Variants in MGAT4A observed in about 807,000 individuals in gnomAD.
The protein encoded by MGAT4A is alpha-1,3-mannosyl-glycoprotein 4-beta-N-acetylglucosaminyltransferase A, also known as N-acetylglucosaminyltransferase IVa.
In MGAT4A, 33 loss-of-function variants were observed where a neutral mutation model predicts 74.1. The observed-to-expected ratio is 0.45, with a 90% CI of 0.34 to 0.60. The LOEUF (loss-of-function observed/expected upper bound fraction) is 0.60, where lower values mean the gene tolerates loss of function less well. Among genes scored for constraint, MGAT4A ranks in the 20% least tolerant of loss-of-function variants. The pLI, the probability that MGAT4A is intolerant of heterozygous loss-of-function variation, is 0.02. For synonymous variants in MGAT4A, 198 were observed against 210.4 expected (o/e 0.94, Z 0.51); for missense variants, 479 against 628.3 (o/e 0.76, Z 2.54).
Position 98,658,227 on chromosome 2 carries a change from A to G in MGAT4A, c.575T>C (p.Leu192Pro). 1 of 1,575,824 alleles carries G rather than the reference A, an allele frequency of 6.3e-7. No individual in the cohort carries two copies. The highest frequency in any genetic ancestry group is 1.2e-5 in the South Asian group (1 of 86,582). ...ATTAAGAAGAACTTACTCTTTCTCC[A>G]GGTTGGCTACAACACCATGTACATA... ...IDYVHGVVAN[L>P]EKEFSKEISS... Residue 192 changes from leucine to proline, a missense_variant, in exon 6 of 16, where the codon CTG becomes CCG. Around this residue, in one of 3 missense-constraint regions of MGAT4A, gnomAD observed 205 missense variants for 232.7 expected, o/e 0.88. Transcript: ENST00000393487.
intron 8 of MGAT4A, among the ~76,000 whole-genome samples, chr2:98,649,800 A>C (rs1701551994): frequency 6.6e-6 from 1 of 152,182 alleles, no homozygotes; most frequent in African/African-American, 2.4e-5. Flanking sequence ...CTTCCACTAC[A>C]AAACCAAACT....
At chr2:98,683,866 A>T (rs899209738) in intron 2 of MGAT4A, among the ~76,000 whole-genome samples, 1 of 152,166 alleles carries the variant, frequency 6.6e-6, no homozygotes, top group Non-Finnish European at 1.5e-5. Flanking sequence ...ACTATTGGAT[A>T]ATGTCACAGG....
In MGAT4A at chr2:98,655,513, T is replaced by C. The variant is rs61748145; in HGVS notation, c.706A>G (p.Thr236Ala). The change falls in exon 8 of 16, where the codon ACA becomes GCA. Residue 236 changes from threonine (T) to alanine (A), a missense_variant. By Grantham distance (58) the Thr-to-Ala change is moderately conservative. This residue lies in a region of MGAT4A where 38 missense variants were observed against 87.4 expected (regional missense o/e 0.43). Transcript: ENST00000393487. ...GDSKERVRWRTKQNLDYCFLM... is the reference protein window; with the variant it reads ...GDSKERVRWRAKQNLDYCFLM... ...AAACAGTAATCTAGGTTTTGCTTTG[T>C]TCTCCATCTGAAATAAACATTTTCA... is the stretch of plus-strand genomic sequence containing the variant. 15,501 of 1,608,174 alleles carry C rather than the reference T, an allele frequency of 9.6e-3. 97 individuals carry two copies. The highest frequency in any genetic ancestry group is 0.012 in the Non-Finnish European group (13,619 of 1,175,842).
At position 98,682,516 on chromosome 2, in the gene MGAT4A, C is replaced by T. The variant is rs1006744308; in HGVS notation, c.95-4045G>A. Among the ~76,000 whole-genome samples the T allele has an allele frequency of 2.0e-5, 3 of 146,808 alleles. No homozygotes were observed. The Admixed American group carries it at 2.1e-4, about 10-fold the overall frequency. Reference sequence around the variant, plus strand: ...CATCAAAAATGCATGCTAAAACTAACAGGTGAAAGTCTAATAAGAAACAGG... The same window carrying T: ...CATCAAAAATGCATGCTAAAACTAATAGGTGAAAGTCTAATAAGAAACAGG... On this transcript the variant is annotated intron_variant, in intron 2 of 15. Coordinates refer to ENST00000393487, the MANE Select transcript of MGAT4A (RefSeq NM_012214.3).
intron 14 of MGAT4A, 25 bp from the exon 15 acceptor site, chr2:98,625,860 T>A: frequency 6.6e-7 from 1 of 1,519,290 alleles, no homozygotes; most frequent in Non-Finnish European, 9.1e-7. Flanking sequence ...TCAATACTTG[T>A]TGGATACACC....
intron 2 of MGAT4A, among the ~76,000 whole-genome samples, chr2:98,679,188 C>T (rs534837756): frequency 1.4e-4 from 22 of 152,082 alleles, no homozygotes; most frequent in South Asian, 1.2e-3. Context: ...GGGCGGATCA[C>T]GAGGTCAGGA....
At chr2:98,690,435 C>T (rs545927131) in intron 2 of MGAT4A, among the ~76,000 whole-genome samples, 36 of 152,316 alleles carry the variant, frequency 2.4e-4, no homozygotes, top group African/African-American at 8.4e-4. Context: ...GAATCCCTCC[C>T]TGCTGGGTAC....
At chr2:98,670,938 C>T (rs1365515800) in intron 4 of MGAT4A, among the ~76,000 whole-genome samples, 2 of 152,222 alleles carry the variant, frequency 1.3e-5, no homozygotes, top group South Asian at 2.1e-4. Context: ...AACATCTCCA[C>T]TGTGATATCT....
rs578106177 is a variant in MGAT4A at position 98,624,248 on chromosome 2, G to A, written c.*1318C>T. ...AGGATGGTCTTGATCTCCTGACCTC[G>A]TGATCCGCCCGCCTCGGCCTCCCAA... On this transcript the variant is annotated 3_prime_UTR_variant, in exon 16 of 16. Transcript: ENST00000393487. 1.6e-5 allele frequency: 11 copies of A among 667,090 alleles called. No homozygotes were observed. Among genetic ancestry groups the A allele is most frequent in the East Asian group, 1.4e-4 (1 of 7,318 alleles). 41.3% of individuals were successfully genotyped at this position (667,090 alleles called of 1,614,324 possible).
chr2:98,660,083 C>G (rs904090327), intron 5 of MGAT4A, among the ~76,000 whole-genome samples: 19 of 152,140 alleles, frequency 1.2e-4, no homozygotes, highest in Non-Finnish European at 2.5e-4. Flanking sequence ...TTTCTACATA[C>G]TAACAATGAA....
chr2:98,675,681 G>A (rs531701140), intron 3 of MGAT4A, among the ~76,000 whole-genome samples: 1 of 151,698 alleles, frequency 6.6e-6, no homozygotes, highest in South Asian at 2.1e-4. Flanking sequence ...CTGAGTACCT[G>A]GGACTGCAGG....
chr2:98,680,040 C>CTTCT (rs1553538386), intron 2 of MGAT4A, among the ~76,000 whole-genome samples: 3 of 131,054 alleles, frequency 2.3e-5, no homozygotes, highest in African/African-American at 8.5e-5. Context: ...CTTAGAAAGG[C>CTTCT]TTTTTTTTTT....
At chr2:98,680,413 T>C (rs924043543) in intron 2 of MGAT4A, among the ~76,000 whole-genome samples, 1 of 152,200 alleles carries the variant, frequency 6.6e-6, no homozygotes, top group African/African-American at 2.4e-5. Flanking sequence ...AAAAACAGAC[T>C]TATGAAAAAT....
intron 2 of MGAT4A, among the ~76,000 whole-genome samples, chr2:98,716,576 G>A (rs1464745851): frequency 1.3e-5 from 2 of 152,174 alleles, no homozygotes; most frequent in Non-Finnish European, 2.9e-5. Context: ...CAAGATTGTC[G>A]ATTGCACCAC....
rs1701984445 is a variant in MGAT4A, at chr2:98,677,072, A to G, written c.262+1232T>C. On this transcript the variant is annotated intron_variant, in intron 3 of 15. Transcript: ENST00000393487. ...TAAATGAAAAAGTATGCTAATCTAG[A>G]AAAATTATGCAAATTTAGAGGCAAT... is the stretch of plus-strand genomic sequence containing the variant. 2.0e-5 allele frequency among the ~76,000 whole-genome samples: 3 copies of G among 152,344 alleles called. 1 individual carries two copies. In the South Asian group the frequency reaches 6.2e-4, roughly 32 times the overall value.
At chr2:98,642,362 G>C (rs536226353) in intron 10 of MGAT4A, among the ~76,000 whole-genome samples, 7 of 152,286 alleles carry the variant, frequency 4.6e-5, no homozygotes, top group Admixed American at 2.0e-4. Flanking sequence ...TGATTCGAAG[G>C]GTTTCCCAGG....
At chr2:98,669,248 T>C (rs187259015) in intron 4 of MGAT4A, among the ~76,000 whole-genome samples, 88 of 152,150 alleles carry the variant, frequency 5.8e-4, no homozygotes, top group African/African-American at 1.5e-3. Flanking sequence ...TGGGAGGTAA[T>C]TGAATCATGG....
rs2104205312 is a variant in MGAT4A at position 98,623,412 on chromosome 2, C to T, written c.*2154G>A. 1 of 985,386 alleles carries T rather than the reference C, an allele frequency of 1.0e-6. No individual in the cohort carries two copies. Among genetic ancestry groups the T allele is most frequent in the Non-Finnish European group, 1.2e-6 (1 of 829,910 alleles). The allele number at this position is 985,386 out of a possible 1,614,324, so 61.0% of individuals were successfully genotyped here. On this transcript the variant is annotated 3_prime_UTR_variant, in exon 16 of 16. Coordinates refer to ENST00000393487, the MANE Select transcript of MGAT4A (RefSeq NM_012214.3). ...GAGTTGGCAACTGAGGAACCAGGGACCCAAGAGTACTCCTAAGCCCACCTG... is the reference window on the plus strand; with the variant it reads ...GAGTTGGCAACTGAGGAACCAGGGATCCAAGAGTACTCCTAAGCCCACCTG...
intron 2 of MGAT4A, 168 bp downstream of exon 2, chr2:98,726,071 G>T (rs1702758972): frequency 6.1e-6 from 3 of 490,922 alleles, no homozygotes; most frequent in Non-Finnish European, 1.1e-5. Context: ...TAGAAATTCT[G>T]TGTCCTCTGT....
Sources: allele counts gnomAD v4.1 joint callset (sites outside exome capture counted in the v4.1 genomes callset), GRCh38; gene constraint gnomAD v4.1.1; regional missense constraint gnomAD v4.1.1; transcripts MANE v1.5; gene names NCBI Gene and HGNC (gene_info 2026-07-23, HGNC 2026-07-21).